TCF12: variants seen among roughly 807,000 people sequenced by gnomAD.
The protein encoded by TCF12 is DNA-binding protein HTF4.
TCF12 carries 45 observed loss-of-function variants against 86.0 expected under a neutral mutation model. The observed-to-expected ratio is 0.52, with a 90% confidence interval of 0.41 to 0.67. The LOEUF (loss-of-function observed/expected upper bound fraction) is 0.67, where lower values mean the gene tolerates loss of function less well. Among genes scored for constraint, TCF12 ranks in the 30% least tolerant of loss-of-function variants. The pLI, the probability that TCF12 is intolerant of heterozygous loss-of-function variation, is 0.00. For missense variants in TCF12, 881 were observed against 859.9 expected (o/e 1.02, Z -0.31); for synonymous variants, 330 against 299.6 (o/e 1.10, Z -1.05).
At chr15:57,181,895 A>G (rs1219217697) in intron 6 of TCF12, among the ~76,000 whole-genome samples, 1 of 152,174 alleles carries the variant, frequency 6.6e-6, no homozygotes, top group Non-Finnish European at 1.5e-5. Context: ...CTAGTATTAG[A>G]TATATTTTTC....
intron 3 of TCF12, among the ~76,000 whole-genome samples, chr15:57,063,062 T>A (rs1195285998): frequency 6.6e-6 from 1 of 152,218 alleles, no homozygotes; most frequent in Non-Finnish European, 1.5e-5. Flanking sequence ...ATAAATTGTT[T>A]TGTTGGTTAT....
At chr15:57,092,121 G>T in intron 5 of TCF12, 1 of 381,806 alleles carries the variant, frequency 2.6e-6, no homozygotes, top group Non-Finnish European at 4.8e-6. Context: ...AAGTGGCAGT[G>T]TTTTGATTGT....
intron 3 of TCF12, among the ~76,000 whole-genome samples, chr15:56,990,151 C>CTTTTTTTTTTTTTTTTT (rs372235874): frequency 2.2e-5 from 2 of 92,716 alleles, no homozygotes; most frequent in Non-Finnish European, 4.4e-5. Flanking sequence ...ATAGTCTTGT[C>CTTTTTTTTTTTTTTTTT]TTTTTTTTTT....
chr15:56,934,903 C>T (rs1333023689), intron 3 of TCF12, among the ~76,000 whole-genome samples: 7 of 152,204 alleles, frequency 4.6e-5, no homozygotes, highest in East Asian at 1.9e-4. Context: ...GGTCATGGAA[C>T]GATTTGACAG....
intron 3 of TCF12, among the ~76,000 whole-genome samples, chr15:57,028,441 T>C (rs1270056879): frequency 6.6e-6 from 1 of 152,220 alleles, no homozygotes; most frequent in Non-Finnish European, 1.5e-5. Flanking sequence ...ATTATGGTTT[T>C]AGTTTGCATT....
At chr15:56,944,086 AATGGAAACAAAC>A (rs1327095724) in intron 3 of TCF12, among the ~76,000 whole-genome samples, 2 of 152,194 alleles carry the variant, frequency 1.3e-5, no homozygotes, top group Admixed American at 6.5e-5. Flanking sequence ...ACCATTACCT[AATGGAAACAAAC>A]ATGAAAAACT....
chr15:57,236,925 A>G (rs2059404070), intron 12 of TCF12, among the ~76,000 whole-genome samples: 1 of 152,084 alleles, frequency 6.6e-6, no homozygotes, highest in Admixed American at 6.5e-5. Flanking sequence ...TTCCCTGAAC[A>G]TTTGCCAGAC....
intron 3 of TCF12, among the ~76,000 whole-genome samples, chr15:56,966,792 G>A (rs942047470): frequency 1.3e-5 from 2 of 152,086 alleles, no homozygotes; most frequent in East Asian, 1.9e-4. Flanking sequence ...ATAAATTAAG[G>A]TATCAAGAAC....
intron 12 of TCF12, among the ~76,000 whole-genome samples, chr15:57,240,759 A>C (rs1397227237): frequency 1.3e-5 from 2 of 151,466 alleles, no homozygotes; most frequent in South Asian, 2.1e-4. Context: ...GAGGGCTTGT[A>C]GTCCCAGCTC....
chr15:57,091,476 T>A (rs1405138394), intron 4 of TCF12, among the ~76,000 whole-genome samples: 1 of 152,172 alleles, frequency 6.6e-6, no homozygotes, highest in Non-Finnish European at 1.5e-5. Flanking sequence ...TAGTAATAGT[T>A]TACAGAATTC....
chr15:57,247,646 T>C, intron 13 of TCF12: 1 of 778,512 alleles, frequency 1.3e-6, no homozygotes, highest in South Asian at 1.3e-5. Flanking sequence ...TTCTGTTTCT[T>C]CTTTAATACC....
chr15:57,023,661 C>T (rs1161352282), intron 3 of TCF12, among the ~76,000 whole-genome samples: 1 of 152,044 alleles, frequency 6.6e-6, no homozygotes, highest in Admixed American at 6.6e-5. Context: ...CAGGGAGGTA[C>T]AAAACTTGCT....
At chr15:56,946,234 T>A (rs2060990301) in intron 3 of TCF12, among the ~76,000 whole-genome samples, 1 of 152,172 alleles carries the variant, frequency 6.6e-6, no homozygotes, top group Admixed American at 6.6e-5. Flanking sequence ...CAATTACACA[T>A]ATATTAGCAC....
chr15:57,026,886 A>G (rs2065856980), intron 3 of TCF12, among the ~76,000 whole-genome samples: 1 of 152,170 alleles, frequency 6.6e-6, no homozygotes, highest in Non-Finnish European at 1.5e-5. Context: ...CTCCTATACA[A>G]TTTAAATCAT....
intron 12 of TCF12, among the ~76,000 whole-genome samples, chr15:57,237,219 C>T (rs1403323825): frequency 6.6e-6 from 1 of 151,608 alleles, no homozygotes; most frequent in African/African-American, 2.4e-5. Flanking sequence ...TAGTCTCTAA[C>T]AAAAGAAAAG....
intron 20 of TCF12, among the ~76,000 whole-genome samples, chr15:57,284,464 C>A (rs2061846350): frequency 6.6e-6 from 1 of 152,210 alleles, no homozygotes; most frequent in South Asian, 2.1e-4. Context: ...ACCACCTCGG[C>A]TTCCCCAAGT....
intron 12 of TCF12, among the ~76,000 whole-genome samples, chr15:57,238,745 C>T (rs2059482138): frequency 6.6e-6 from 1 of 152,128 alleles, no homozygotes; most frequent in Non-Finnish European, 1.5e-5. Flanking sequence ...TACTGGCATA[C>T]AATAATGGAT....
chr15:56,952,190 A>AC (rs1491367412), intron 3 of TCF12, among the ~76,000 whole-genome samples: 1 of 2,642 alleles, frequency 3.8e-4, no homozygotes, highest in Non-Finnish European at 7.4e-3. Context: ...TTGTGTATAT[A>AC]CACACACACA....
At chr15:57,157,853 G>A (rs534344166) in intron 5 of TCF12, among the ~76,000 whole-genome samples, 3 of 152,192 alleles carry the variant, frequency 2.0e-5, no homozygotes, top group Admixed American at 6.5e-5. Context: ...ATTAGCCACC[G>A]TGCCAGGCCC....
Sources: allele counts gnomAD v4.1 joint callset (sites outside exome capture counted in the v4.1 genomes callset), GRCh38; gene constraint gnomAD v4.1.1; transcripts MANE v1.5; gene names NCBI Gene and HGNC (gene_info 2026-07-23, HGNC 2026-07-21).